KALRN: variants seen among roughly 807,000 people sequenced by gnomAD.
KALRN encodes the protein kalirin.
Under a neutral mutation model 353.7 loss-of-function variants are expected in KALRN, and 70 were observed. The ratio of observed to expected loss-of-function variants is 0.20; its 90% CI spans 0.16 to 0.24. The LOEUF (loss-of-function observed/expected upper bound fraction) is 0.24. Ranked by LOEUF, KALRN falls within the 10% of genes least tolerant of loss-of-function variation. The probability of loss-of-function intolerance (pLI) is 1.00; values close to 1 mark genes in which losing one functional copy is unlikely to be tolerated. For missense variants in KALRN, 2,791 were observed against 3,756.7 expected (o/e 0.74, Z 6.72); for synonymous variants, 1,391 against 1,434.8 (o/e 0.97, Z 0.69).
At chr3:124,326,205 G>A (rs542957642) in intron 7 of KALRN, 34 bp downstream of exon 7, 4 of 1,588,000 alleles carry the variant, frequency 2.5e-6, no homozygotes, top group South Asian at 2.3e-5. Context: ...GCTGCTGTTG[G>A]TAGGAAGGGT....
chr3:124,195,190 C>T (rs576257275), intron 1 of KALRN, among the ~76,000 whole-genome samples: 12 of 152,152 alleles, frequency 7.9e-5, no homozygotes, highest in Non-Finnish European at 1.6e-4. Context: ...TATAGCCCCT[C>T]ATTAATGAAC....
intron 27 of KALRN, 109 bp from the exon 28 acceptor site, chr3:124,482,699 C>T: frequency 1.3e-6 from 1 of 752,146 alleles, no homozygotes. Context: ...TACTTGTCTA[C>T]CTTTTTCTCT....
chr3:124,300,589 G>A (rs2077188503), intron 6 of KALRN, among the ~76,000 whole-genome samples: 1 of 152,218 alleles, frequency 6.6e-6, no homozygotes, highest in Non-Finnish European at 1.5e-5. Context: ...GCCAACGCCA[G>A]TCACAGAACC....
chr3:124,045,959 A>G (rs539922875), intron 1 of KALRN, among the ~76,000 whole-genome samples: 7 of 152,334 alleles, frequency 4.6e-5, no homozygotes, highest in Admixed American at 4.6e-4. Flanking sequence ...CTATTCAAGA[A>G]GCTTGGTAAT....
At position 124,700,060 on chromosome 3, in the gene KALRN, C is replaced by A. The variant is rs769139528; in HGVS notation, c.7996+27C>A. 8 of 1,611,200 alleles carry A rather than the reference C, an allele frequency of 5.0e-6. No individual in the cohort carries two copies. In the East Asian group the frequency reaches 8.9e-5, roughly 18 times the overall value. On this transcript the variant is annotated intron_variant, in intron 56 of 59. Coordinates refer to ENST00000682506, the MANE Select transcript of KALRN (RefSeq NM_001388419.1). The stretch of plus-strand genomic sequence containing the variant: ...TGAGTCCCAGCCCAGCCCTGGCCCC[C>A]CAGGCAGTGGGATTGAGGCACCTGG...
intron 6 of KALRN, among the ~76,000 whole-genome samples, chr3:124,299,254 C>A (rs893940309): frequency 6.6e-5 from 10 of 152,054 alleles, no homozygotes; most frequent in Non-Finnish European, 1.0e-4. Context: ...AGTCACTGAT[C>A]GGGGATGGTG....
At chr3:124,491,018 C>A in intron 30 of KALRN, 134 bp downstream of exon 30, 1 of 779,546 alleles carries the variant, frequency 1.3e-6, no homozygotes, top group Non-Finnish European at 2.0e-6. Context: ...ATGAAAATGT[C>A]TCCTATTTGG....
At chr3:124,141,881 G>A (rs1205358655) in intron 1 of KALRN, among the ~76,000 whole-genome samples, 1 of 152,132 alleles carries the variant, frequency 6.6e-6, no homozygotes, top group Non-Finnish European at 1.5e-5. Flanking sequence ...AAGCAGTGTG[G>A]GCCAGTGGGA....
At position 124,648,514 on chromosome 3, in the gene KALRN, G is replaced by C. The variant is rs539804297; in HGVS notation, c.5665-2294G>C. Among the ~76,000 whole-genome samples, 16 of 152,356 alleles carry C rather than the reference G, an allele frequency of 1.1e-4. No individual in the cohort carries two copies. The South Asian group carries it at 2.7e-3, about 26-fold the overall frequency. Reference sequence around the variant, plus strand: ...CCTGGGAAGGGGTAGGAGCACAGAGGATACCACTGAGCAGCAATTCACTAG... The same window carrying C: ...CCTGGGAAGGGGTAGGAGCACAGAGCATACCACTGAGCAGCAATTCACTAG... On this transcript the variant is annotated intron_variant, in intron 37 of 59. Coordinates refer to ENST00000682506, the MANE Select transcript of KALRN (RefSeq NM_001388419.1).
At chr3:124,518,617 C>G in intron 33 of KALRN, 1 of 1,515,048 alleles carries the variant, frequency 6.6e-7, no homozygotes, top group East Asian at 2.4e-5. Flanking sequence ...ATGTTCCAAG[C>G]AAAATCTCCC....
chr3:124,410,422 G>A, intron 13 of KALRN: 2 of 369,252 alleles, frequency 5.4e-6, no homozygotes, highest in South Asian at 2.1e-5. Flanking sequence ...TTGTGATTTG[G>A]GCTATTTTAC....
At chr3:124,341,611 G>C (rs183190950) in intron 9 of KALRN, among the ~76,000 whole-genome samples, 57 of 152,306 alleles carry the variant, frequency 3.7e-4, no homozygotes, top group African/African-American at 1.4e-3. Context: ...TACAGTGGGA[G>C]TGTAGAGCAG....
chr3:124,498,863 T>C (rs1262012904), intron 33 of KALRN, among the ~76,000 whole-genome samples: 1 of 151,928 alleles, frequency 6.6e-6, no homozygotes, highest in African/African-American at 2.4e-5. Context: ...GTAGACGTTA[T>C]CAGCAGTGTC....
chr3:124,168,586 G>T (rs922127386), intron 1 of KALRN, among the ~76,000 whole-genome samples: 2 of 152,212 alleles, frequency 1.3e-5, no homozygotes, highest in African/African-American at 4.8e-5. Flanking sequence ...CTGGGGAGAG[G>T]CTCAGTGATA....
At chr3:124,078,586 G>A (rs2060380187) in intron 1 of KALRN, among the ~76,000 whole-genome samples, 1 of 152,066 alleles carries the variant, frequency 6.6e-6, no homozygotes, top group Non-Finnish European at 1.5e-5. Context: ...GAGACACTGA[G>A]GAGGATATGG....
intron 10 of KALRN, among the ~76,000 whole-genome samples, chr3:124,357,528 A>G (rs548501672): frequency 6.6e-6 from 1 of 152,046 alleles, no homozygotes; most frequent in African/African-American, 2.4e-5. Flanking sequence ...GTTGTCCTGG[A>G]GTTTTCCTGA....
At chr3:124,381,076 C>T (rs2087298893) in intron 10 of KALRN, among the ~76,000 whole-genome samples, 1 of 152,054 alleles carries the variant, frequency 6.6e-6, no homozygotes, top group Non-Finnish European at 1.5e-5. Context: ...GTAGCAGGTA[C>T]CATGGAGAGG....
intron 3 of KALRN, among the ~76,000 whole-genome samples, chr3:124,235,522 G>A (rs2079649856): frequency 7.1e-6 from 1 of 141,562 alleles, no homozygotes; most frequent in African/African-American, 2.6e-5. Flanking sequence ...AGAGAAGAGA[G>A]CTTCACTTGA....
chr3:124,431,912 A>G (rs2093294034), intron 16 of KALRN, among the ~76,000 whole-genome samples: 1 of 152,244 alleles, frequency 6.6e-6, no homozygotes, highest in South Asian at 2.1e-4. Context: ...TACTAGTACT[A>G]GAAGAACTGT....
Sources: gnomAD v4.1 joint callset for allele counts (sites outside exome capture counted in the v4.1 genomes callset) on GRCh38, gnomAD v4.1.1 for gene constraint, MANE v1.5 for transcripts, NCBI Gene and HGNC (gene_info 2026-07-23, HGNC 2026-07-21) for gene names.